Variants in TMEM62 observed in about 807,000 individuals in gnomAD.
TMEM62 encodes transmembrane protein 62.
Under a neutral mutation model 70.4 loss-of-function variants are expected in TMEM62, and 41 were observed. The observed-to-expected ratio is 0.58, with a 90% CI of 0.45 to 0.76. TMEM62 has a LOEUF of 0.76. Among genes scored for constraint, TMEM62 ranks in the 30% least tolerant of loss-of-function variants. The probability of loss-of-function intolerance (pLI) is 0.00; values close to 1 mark genes in which losing one functional copy is unlikely to be tolerated. For synonymous variants in TMEM62, 268 were observed against 291.0 expected (o/e 0.92, Z 0.80); for missense variants, 688 against 788.5 (o/e 0.87, Z 1.53).
At chr15:43,167,623 G>A (rs966051103) in intron 10 of TMEM62, among the ~76,000 whole-genome samples, 3 of 150,538 alleles carry the variant, frequency 2.0e-5, no homozygotes, top group Non-Finnish European at 4.4e-5. Context: ...AGGCAGAGAC[G>A]CTCCTCACTT....
intron 11 of TMEM62, among the ~76,000 whole-genome samples, chr15:43,170,294 A>G (rs1380247244): frequency 6.6e-6 from 1 of 152,216 alleles, no homozygotes; most frequent in African/African-American, 2.4e-5. Flanking sequence ...ATCGTGGCTG[A>G]GAACTCAATT....
At chr15:43,167,266 C>T (rs2039584281) in intron 10 of TMEM62, among the ~76,000 whole-genome samples, 1 of 148,296 alleles carries the variant, frequency 6.7e-6, no homozygotes, top group Non-Finnish European at 1.5e-5. Flanking sequence ...GGGGGGCTGA[C>T]CCCCCCACCT....
At chr15:43,145,102 T>C (rs1207336217) in intron 4 of TMEM62, among the ~76,000 whole-genome samples, 2 of 17,948 alleles carry the variant, frequency 1.1e-4, no homozygotes, top group African/African-American at 3.9e-4. Context: ...AGACTCCGTC[T>C]CAAAAAAAAA....
intron 10 of TMEM62, among the ~76,000 whole-genome samples, chr15:43,167,829 G>A (rs1031227668): frequency 5.9e-5 from 9 of 152,182 alleles, no homozygotes; most frequent in Non-Finnish European, 1.3e-4. Flanking sequence ...TCCAGCCTGG[G>A]CACCATTGAG....
rs751515261 is a variant in TMEM62 at position 43,148,829 on chromosome 15, T to C, written c.693T>C (p.Phe231=). ...ACCATACAATTTGGTTTGGACACTT[T>C]ACAACATCCACTATTCTTTCTCCAT... ...RSNHTIWFGH[F]TTSTILSPSP... The change falls in exon 6 of 14, where the codon TTT becomes TTC. Residue 231 remains phenylalanine (F), a synonymous_variant. Coordinates refer to ENST00000260403, the MANE Select transcript of TMEM62 (RefSeq NM_024956.4). 6.2e-7 allele frequency: 1 copy of C among 1,614,176 alleles called. No individual in the cohort carries two copies. Among genetic ancestry groups the C allele is most frequent in the East Asian group, 2.2e-5 (1 of 44,872 alleles).
rs777196631 is a variant in TMEM62, at chr15:43,148,872, A to G, written c.736A>G (p.Ile246Val). 6.2e-7 allele frequency: 1 copy of G among 1,612,586 alleles called. No homozygotes were observed. The highest frequency in any genetic ancestry group is 2.2e-5 in the East Asian group (1 of 44,874). The part of the protein sequence containing the change: ...ILSPSPGIRS[I>V]MSSAIAYLCG... ...TTCTCCATCACCAGGAATCCGGTCA[A>G]TAATGAGGTGAGACAAGCTTCCAAA... The change falls in exon 6 of 14, where the codon ATA (isoleucine) becomes GTA (valine). Residue 246 changes from isoleucine (I) to valine (V), a missense_variant. Coordinates refer to ENST00000260403, the MANE Select transcript of TMEM62 (RefSeq NM_024956.4).
rs780038989 is a variant in TMEM62 at position 43,138,566 on chromosome 15, T to A, written c.431-8T>A. 113 of 1,557,300 alleles carry A rather than the reference T, an allele frequency of 7.3e-5. No individual in the cohort carries two copies. Among genetic ancestry groups the A allele is most frequent in the African/African-American group, 1.2e-4 (9 of 72,108 alleles). On this transcript the variant is annotated splice_polypyrimidine_tract_variant and splice_region_variant and intron_variant, in intron 3 of 13. Coordinates refer to ENST00000260403, the MANE Select transcript of TMEM62 (RefSeq NM_024956.4). ...TGAATGTTTGCTTTTTTTTTTTTTT[T>A]AAATTAGATGCATTCAATATTCCAA...
chr15:43,167,522 G>T (rs1167018399), intron 10 of TMEM62, among the ~76,000 whole-genome samples: 1 of 151,668 alleles, frequency 6.6e-6, no homozygotes, highest in Non-Finnish European at 1.5e-5. Context: ...CATCTCAGAC[G>T]ATGGGCAGCC....
Position 43,146,544 on chromosome 15 carries a change from T to A in TMEM62, c.528T>A (p.Thr176=), listed in dbSNP as rs193087163. The A allele has an allele frequency of 1.3e-4, 211 of 1,613,862 alleles. No homozygotes were observed. Among genetic ancestry groups the A allele is most frequent in the Admixed American group, 9.3e-4 (56 of 60,020 alleles). The change falls in exon 5 of 14, where the codon ACT becomes ACA. Residue 176 remains threonine (T), a synonymous_variant. Coordinates refer to ENST00000260403, the MANE Select transcript of TMEM62 (RefSeq NM_024956.4). The part of the protein sequence containing the change: ...RDGSFHYVHS[T]PFGNYSFICV... The stretch of plus-strand genomic sequence containing the variant: ...GCTCTTTCCATTATGTCCACAGTAC[T>A]CCCTTTGGCAACTATTCGTTCATCT...
At chr15:43,144,700 G>A (rs1208951865) in intron 4 of TMEM62, among the ~76,000 whole-genome samples, 2 of 152,114 alleles carry the variant, frequency 1.3e-5, no homozygotes, top group African/African-American at 4.8e-5. Context: ...TGGAAGAGGA[G>A]GTTGTTCTCT....
At chr15:43,180,960 A>G (rs1012324977) in intron 12 of TMEM62, 4 of 487,530 alleles carry the variant, frequency 8.2e-6, no homozygotes, top group Non-Finnish European at 1.5e-5. Context: ...TGTTCTAGGT[A>G]TAGTGTCTAC....
intron 10 of TMEM62, among the ~76,000 whole-genome samples, chr15:43,167,951 G>A (rs936334379): frequency 6.6e-6 from 1 of 152,168 alleles, no homozygotes; most frequent in Non-Finnish European, 1.5e-5. Context: ...GCGAAACCCC[G>A]TCTCCACCAA....
At chr15:43,143,455 A>T (rs2036306337) in intron 4 of TMEM62, among the ~76,000 whole-genome samples, 1 of 152,264 alleles carries the variant, frequency 6.6e-6, no homozygotes, top group South Asian at 2.1e-4. Flanking sequence ...AGGAACCACA[A>T]TATCTCTGAA....
chr15:43,159,436 A>T (rs1567209255), intron 9 of TMEM62, among the ~76,000 whole-genome samples: 1 of 152,086 alleles, frequency 6.6e-6, no homozygotes, highest in Non-Finnish European at 1.5e-5. Flanking sequence ...TACTCTCTGT[A>T]TCCATGAGTT....
At chr15:43,161,836 A>AT (rs1596298264) in intron 10 of TMEM62, among the ~76,000 whole-genome samples, 2 of 150,904 alleles carry the variant, frequency 1.3e-5, no homozygotes, top group South Asian at 4.2e-4. Flanking sequence ...AATTTTTTGT[A>AT]TTTTTTTAGT....
chr15:43,160,116 G>T (rs1039262703), intron 9 of TMEM62, among the ~76,000 whole-genome samples: 13 of 151,828 alleles, frequency 8.6e-5, no homozygotes, highest in Middle Eastern at 3.2e-3. Flanking sequence ...TTACAGGTGC[G>T]TATCACCATG....
intron 10 of TMEM62, among the ~76,000 whole-genome samples, chr15:43,164,601 C>T (rs2039165977): frequency 6.6e-6 from 1 of 152,188 alleles, no homozygotes; most frequent in Admixed American, 6.5e-5. Context: ...TTCAAGCAAT[C>T]CTCCTGCCTC....
At chr15:43,182,475 T>C in intron 13 of TMEM62, among the ~76,000 whole-genome samples, 1 of 150,132 alleles carries the variant, frequency 6.7e-6, no homozygotes. Context: ...TTTTTTGAGA[T>C]GGAGTCTCGA....
In TMEM62 at chr15:43,158,004, T is replaced by TC. The variant is rs1233883977; in HGVS notation, c.1183-2677_1183-2676insC. On this transcript the variant is annotated intron_variant, in intron 9 of 13. Coordinates refer to ENST00000260403, the MANE Select transcript of TMEM62 (RefSeq NM_024956.4). ...TCCCTTACCTCCCCCCTCTTTTTTGTACCCTTAAAATTTATTTGTTTTGGA... is the reference window on the plus strand; with the variant it reads ...TCCCTTACCTCCCCCCTCTTTTTTGTCACCCTTAAAATTTATTTGTTTTGGA... Among the ~76,000 whole-genome samples, 23 of 152,166 alleles carry TC rather than the reference T, an allele frequency of 1.5e-4. No individual in the cohort carries two copies. The East Asian group carries it at 2.5e-3, about 17-fold the overall frequency.
Sources: gnomAD v4.1 joint callset for allele counts (sites outside exome capture counted in the v4.1 genomes callset) on GRCh38, gnomAD v4.1.1 for gene constraint, MANE v1.5 for transcripts, NCBI Gene and HGNC (gene_info 2026-07-23, HGNC 2026-07-21) for gene names.